NXN: variants seen among roughly 807,000 people sequenced by gnomAD.
The protein encoded by NXN is nucleoredoxin 1.
Under a neutral mutation model 48.6 loss-of-function variants are expected in NXN, and 16 were observed. The observed-to-expected ratio is 0.33, with a 90% CI of 0.22 to 0.50. NXN has a LOEUF of 0.50. Among genes scored for constraint, NXN ranks in the 20% least tolerant of loss-of-function variants. The pLI, the probability that NXN is intolerant of heterozygous loss-of-function variation, is 0.98. For synonymous variants in NXN, 281 were observed against 269.6 expected, an observed-to-expected ratio of 1.04 and a Z score of -0.41; for missense variants, 492 against 605.5, an observed-to-expected ratio of 0.81 and a Z score of 1.97.
At chr17:847,428 G>A (rs555835016) in intron 1 of NXN, among the ~76,000 whole-genome samples, 2 of 152,214 alleles carry the variant, frequency 1.3e-5, no homozygotes, top group East Asian at 3.9e-4. Flanking sequence ...AAAGAAAAAA[G>A]TCAGAAGGGA....
At chr17:875,761 TAA>T (rs35059194) in intron 1 of NXN, among the ~76,000 whole-genome samples, 5 of 143,380 alleles carry the variant, frequency 3.5e-5, no homozygotes, top group Admixed American at 1.4e-4. Context: ...CCTGGTAAAT[TAA>T]AAAAAAAAAA....
chr17:812,674 G>C (rs574293214), intron 5 of NXN, among the ~76,000 whole-genome samples: 10 of 151,274 alleles, frequency 6.6e-5, no homozygotes, highest in East Asian at 5.8e-4. Context: ...GTGTGTGTGA[G>C]TGTAGGTGTG....
intron 1 of NXN, among the ~76,000 whole-genome samples, chr17:973,132 G>A (rs938803659): frequency 1.3e-5 from 2 of 151,984 alleles, no homozygotes; most frequent in Non-Finnish European, 1.5e-5. Context: ...AAGACAAATC[G>A]ATCAGCAAGA....
chr17:851,224 G>A lies in NXN; in HGVS notation c.361-25146C>T, dbSNP rs141099308. On this transcript the variant is annotated intron_variant, in intron 1 of 7. Coordinates refer to ENST00000336868, the MANE Select transcript of NXN (RefSeq NM_022463.5). Reference sequence around the variant, plus strand: ...AGCCGGGGGATGCGGTGGGGAGGCCGGGGCCCAGCAAGCCTGAGCTCCGCT... The same window carrying A: ...AGCCGGGGGATGCGGTGGGGAGGCCAGGGCCCAGCAAGCCTGAGCTCCGCT... Among the ~76,000 whole-genome samples the A allele has an allele frequency of 7.9e-3, 1,206 of 152,318 alleles. 12 individuals are homozygous for A. The highest frequency in any genetic ancestry group is 0.03 in the East Asian group (156 of 5,182).
At chr17:950,682 G>A (rs1391007297) in intron 1 of NXN, among the ~76,000 whole-genome samples, 4 of 152,034 alleles carry the variant, frequency 2.6e-5, no homozygotes, top group African/African-American at 9.7e-5. Flanking sequence ...TTGAATTACG[G>A]CTTCAAAATA....
chr17:914,925 T>C (rs2068671499), intron 1 of NXN, among the ~76,000 whole-genome samples: 1 of 152,062 alleles, frequency 6.6e-6, no homozygotes, highest in East Asian at 1.9e-4. Context: ...CAGACACTTG[T>C]ACTGGAAAAA....
intron 1 of NXN, among the ~76,000 whole-genome samples, chr17:908,468 GGATGTTGC>G (rs1418136789): frequency 1.3e-5 from 2 of 152,074 alleles, no homozygotes; most frequent in African/African-American, 4.8e-5. Flanking sequence ...CCTGGGAGGT[GGATGTTGC>G]AGTGAACTGA....
At chr17:828,253 CCT>C (rs1913243780) in intron 1 of NXN, among the ~76,000 whole-genome samples, 4 of 149,140 alleles carry the variant, frequency 2.7e-5, no homozygotes, top group Middle Eastern at 3.5e-3. Flanking sequence ...ACAGGTGCCC[CCT>C]ACCACACCCG....
intron 1 of NXN, among the ~76,000 whole-genome samples, chr17:862,180 T>C (rs1225979676): frequency 2.0e-5 from 3 of 151,056 alleles, no homozygotes; most frequent in Admixed American, 2.0e-4. Flanking sequence ...GTAGAAGGAG[T>C]GACAATTTAA....
chr17:812,916 AG>A (rs1555609499), intron 5 of NXN, among the ~76,000 whole-genome samples: 1,259 of 97,380 alleles, frequency 0.013, 16 homozygotes, highest in African/African-American at 0.047. Context: ...GTGTGACTGT[AG>A]GTGTGTGCGT....
Position 814,891 on chromosome 17 carries a change from G to A in NXN, c.820+4548C>T, listed in dbSNP as rs564859694. 1.6e-4 allele frequency among the ~76,000 whole-genome samples: 25 copies of A among 152,238 alleles called. No individual in the cohort carries two copies. The South Asian group carries it at 4.4e-3, about 27-fold the overall frequency. On this transcript the variant is annotated intron_variant, in intron 5 of 7. Transcript: ENST00000336868. Reference sequence around the variant, plus strand: ...AGTGATTCTCCTGCCTCAGCCTCCCGAGTAGCTGGGATTATAGGTGACCAC... The same window carrying A: ...AGTGATTCTCCTGCCTCAGCCTCCCAAGTAGCTGGGATTATAGGTGACCAC...
intron 1 of NXN, among the ~76,000 whole-genome samples, chr17:969,713 G>A (rs1285361746): frequency 1.3e-5 from 2 of 152,052 alleles, no homozygotes; most frequent in East Asian, 3.9e-4. Flanking sequence ...AGCGCCTTCT[G>A]ATTTTAAACA....
chr17:927,889 CCT>C (rs1251777338), intron 1 of NXN, among the ~76,000 whole-genome samples: 2 of 152,036 alleles, frequency 1.3e-5, no homozygotes, highest in Non-Finnish European at 2.9e-5. Context: ...ACGTGATGTT[CCT>C]TATACCACCT....
In NXN at chr17:925,167, AG is replaced by A. The variant is rs548169902; in HGVS notation, c.360+54151del. ...AGGAGAGGACAGGGAGGAAGAAAGA[AG>A]GGGTGGAAAGGAGATACAGAGACTT... On this transcript the variant is annotated intron_variant, in intron 1 of 7. Coordinates refer to ENST00000336868, the MANE Select transcript of NXN (RefSeq NM_022463.5). Among the ~76,000 whole-genome samples the A allele has an allele frequency of 7.1e-4, 107 of 150,152 alleles. 1 individual carries two copies. Among genetic ancestry groups the A allele is most frequent in the East Asian group, 3.9e-3 (20 of 5,074 alleles).
At chr17:840,105 A>AAAGAGAGAGAGAGAGAATATTACC (rs1914060872) in intron 1 of NXN, among the ~76,000 whole-genome samples, 4 of 151,752 alleles carry the variant, frequency 2.6e-5, no homozygotes, top group Non-Finnish European at 5.9e-5. Flanking sequence ...AAAAAAAAAA[A>AAAGAGAGAGAGAGAGAATATTACC]AAAGAGAGAG....
chr17:879,317 T>C (rs1226811402), intron 1 of NXN, among the ~76,000 whole-genome samples: 2 of 145,608 alleles, frequency 1.4e-5, no homozygotes, highest in Non-Finnish European at 3.0e-5. Flanking sequence ...TGAGACAGAG[T>C]CTCACTCTGT....
At position 805,230 on chromosome 17, in the gene NXN, T is replaced by A. The variant is rs1415302182; in HGVS notation, c.838A>T (p.Met280Leu). ...YGIQGIPTLI[M>L]LDPQGEVITR... ...ATCACCTCGCCCTGCGGGTCCAGCA[T>A]GATGAGCGTGGGGATGCCTGCAGGG... The change falls in exon 6 of 8, where the codon ATG becomes TTG. Residue 280 changes from methionine (M) to leucine (L), a missense_variant. Physicochemically the swap from Met to Leu is conservative, Grantham distance 15. Coordinates refer to ENST00000336868, the MANE Select transcript of NXN (RefSeq NM_022463.5). 6.2e-7 allele frequency: 1 copy of A among 1,611,204 alleles called. No homozygotes were observed. Among genetic ancestry groups the A allele is most frequent in the Admixed American group, 1.7e-5 (1 of 59,904 alleles).
In NXN at chr17:853,728, T is replaced by A. The variant is rs1352269149; in HGVS notation, c.361-27650A>T. Among the ~76,000 whole-genome samples, 95 of 141,324 alleles carry A rather than the reference T, an allele frequency of 6.7e-4. 1 individual carries two copies. Among genetic ancestry groups the A allele is most frequent in the Middle Eastern group, 3.6e-3 (1 of 278 alleles). 92.7% of individuals were successfully genotyped at this position (141,324 alleles called of 152,430 possible). On this transcript the variant is annotated intron_variant, in intron 1 of 7. Transcript: ENST00000336868. Reference sequence around the variant, plus strand: ...ATATATATATATATATATATATTTTTTTTTTTTTTTCCAAGACGGAGTCTC... The same window carrying A: ...ATATATATATATATATATATATTTTATTTTTTTTTTCCAAGACGGAGTCTC...
chr17:818,075 AT>A lies in NXN; in HGVS notation c.820+1363del, dbSNP rs1912583027. Reference sequence around the variant, plus strand: ...TGAGTTCGAGACCAGCCTGGGCAACATGGCAAAACTTCATCTCTACTAAAAA... The same window carrying A: ...TGAGTTCGAGACCAGCCTGGGCAACAGGCAAAACTTCATCTCTACTAAAAA... On this transcript the variant is annotated intron_variant, in intron 5 of 7. Coordinates refer to ENST00000336868, the MANE Select transcript of NXN (RefSeq NM_022463.5). 2.0e-5 allele frequency among the ~76,000 whole-genome samples: 3 copies of A among 152,036 alleles called. No individual in the cohort carries two copies. The South Asian group carries it at 6.2e-4, about 32-fold the overall frequency.
Sources: gnomAD v4.1 joint callset for allele counts (sites outside exome capture counted in the v4.1 genomes callset) on GRCh38, gnomAD v4.1.1 for gene constraint, MANE v1.5 for transcripts, NCBI Gene and HGNC (gene_info 2026-07-23, HGNC 2026-07-21) for gene names.